The following C5orf22 variants were observed in gnomAD, a reference collection of about 807,000 sequenced individuals.
C5orf22 encodes UPF0489 protein C5orf22.
Under a neutral mutation model 48.7 loss-of-function variants are expected in C5orf22, and 36 were observed. That is an observed-to-expected ratio of 0.74 (90% confidence interval 0.57 to 0.98). The LOEUF is 0.98. Ranked by LOEUF, C5orf22 falls within the 50% of genes least tolerant of loss-of-function variation. The pLI is 0.00. For synonymous variants in C5orf22, 141 were observed against 180.8 expected (o/e 0.78, Z 1.76); for missense variants, 486 against 521.9 (o/e 0.93, Z 0.67).
intron 1 of C5orf22, among the ~76,000 whole-genome samples, chr5:31,532,823 C>T (rs1348667807): frequency 6.6e-6 from 1 of 152,064 alleles, no homozygotes; most frequent in Non-Finnish European, 1.5e-5. Flanking sequence ...CCTGGAATCG[C>T]CACCACAGCC....
rs1743507954 is a variant in C5orf22, at chr5:31,554,993, A to G, written c.*2091A>G. Reference sequence around the variant, plus strand: ...TACCAGTGAGGGGATACCGTGGTACAGTGTTTTGAATTGTGTACTAATATC... The same window carrying G: ...TACCAGTGAGGGGATACCGTGGTACGGTGTTTTGAATTGTGTACTAATATC... On this transcript the variant is annotated 3_prime_UTR_variant, in exon 9 of 9. Coordinates refer to ENST00000325366, the MANE Select transcript of C5orf22 (RefSeq NM_018356.3). The G allele has an allele frequency of 6.6e-6, 1 of 152,222 alleles. No homozygotes were observed. Among genetic ancestry groups the G allele is most frequent in the Non-Finnish European group, 1.5e-5 (1 of 68,034 alleles). 9.4% of individuals were successfully genotyped at this position (152,222 alleles called of 1,614,324 possible).
chr5:31,548,872 A>T (rs920726041), intron 7 of C5orf22, among the ~76,000 whole-genome samples: 1 of 152,238 alleles, frequency 6.6e-6, no homozygotes, highest in Non-Finnish European at 1.5e-5. Flanking sequence ...CACATCTCAC[A>T]TGGCAGCAGA....
intron 6 of C5orf22, among the ~76,000 whole-genome samples, chr5:31,541,702 G>T (rs2150075289): frequency 6.6e-6 from 1 of 152,292 alleles, no homozygotes; most frequent in Non-Finnish European, 1.5e-5. Context: ...GGGCCAAGGA[G>T]TTTGAGGCTG....
chr5:31,552,922 T>TGAAACAAACAAACAAAA lies in C5orf22; in HGVS notation c.*20_*21insGAAACAAACAAACAAAA, dbSNP rs1743376867. On this transcript the variant is annotated 3_prime_UTR_variant, in exon 9 of 9. Transcript: ENST00000325366. ...TCTTGAAACAAACAAAACATTAGGC[T>TGAAACAAACAAACAAAA]CCTGTTGTATCTTGGTTTAGTAACA... 1 of 1,610,902 alleles carries TGAAACAAACAAACAAAA rather than the reference T, an allele frequency of 6.2e-7. No homozygotes were observed. Among genetic ancestry groups the TGAAACAAACAAACAAAA allele is most frequent in the Non-Finnish European group, 8.5e-7 (1 of 1,178,222 alleles).
At chr5:31,545,765 T>TGGGTAGAA (rs998042378) in intron 7 of C5orf22, 53 bp downstream of exon 7, 24 of 1,186,294 alleles carry the variant, frequency 2.0e-5, no homozygotes, top group Non-Finnish European at 2.9e-5. Context: ...GACAATTTTC[T>TGGGTAGAA]GGGTAGAAGA....
At position 31,553,809 on chromosome 5, in the gene C5orf22, T is replaced by A. The variant is rs1358471732; in HGVS notation, c.*907T>A. 1 of 152,204 alleles carries A rather than the reference T, an allele frequency of 6.6e-6. No homozygotes were observed. The highest frequency in any genetic ancestry group is 6.5e-5 in the Admixed American group (1 of 15,282). 9.4% of individuals were successfully genotyped at this position (152,204 alleles called of 1,614,324 possible). A position where few individuals can be genotyped will look rare whatever the true frequency, so the allele number is the denominator to read the frequency against. ...ATTAACTGTTTTTTGCTTTTCTGTT[T>A]TTGTTTTGCTGATCAAAAAAGCCCT... On this transcript the variant is annotated 3_prime_UTR_variant, in exon 9 of 9. Coordinates refer to ENST00000325366, the MANE Select transcript of C5orf22 (RefSeq NM_018356.3).
chr5:31,535,360 T>C (rs1332752045), intron 2 of C5orf22, among the ~76,000 whole-genome samples: 2 of 152,236 alleles, frequency 1.3e-5, no homozygotes, highest in Non-Finnish European at 2.9e-5. Flanking sequence ...TAAAAATGTA[T>C]ACTCAGGATG....
rs574391978 is a variant in C5orf22 at position 31,554,896 on chromosome 5, T to C, written c.*1994T>C. ...TAATAGTTGAAAAGAATCAACTTAG[T>C]AAATTATGTCTTGCACATTCCAAAT... On this transcript the variant is annotated 3_prime_UTR_variant, in exon 9 of 9. Coordinates refer to ENST00000325366, the MANE Select transcript of C5orf22 (RefSeq NM_018356.3). 34 of 152,376 alleles carry C rather than the reference T, an allele frequency of 2.2e-4. No individual in the cohort carries two copies. In the South Asian group the frequency reaches 7.0e-3, roughly 32 times the overall value. 9.4% of individuals were successfully genotyped at this position (152,376 alleles called of 1,614,324 possible).
chr5:31,535,743 G>A lies in C5orf22; in HGVS notation c.228-1G>A. On this transcript the variant is annotated splice_acceptor_variant, in intron 2 of 8. Transcript: ENST00000325366. LOFTEE classifies it high-confidence loss of function. ...ATGTTGTCTCTATGTTTCTTTTCCA[G>A]AGAATTAAGTATTGAAAATTGGATT... The A allele has an allele frequency of 6.3e-7, 1 of 1,579,932 alleles. No individual in the cohort carries two copies.
At chr5:31,532,655 T>G (rs1263265470) in intron 1 of C5orf22, among the ~76,000 whole-genome samples, 182 bp downstream of exon 1, 1 of 151,936 alleles carries the variant, frequency 6.6e-6, no homozygotes, top group Non-Finnish European at 1.5e-5. Flanking sequence ...GAACTGACAT[T>G]TATGGGCGCT....
At position 31,553,156 on chromosome 5, in the gene C5orf22, T is replaced by C. The variant is rs1743393017; in HGVS notation, c.*254T>C. 7.0e-6 allele frequency: 2 copies of C among 285,758 alleles called. No individual in the cohort carries two copies. Among genetic ancestry groups the C allele is most frequent in the South Asian group, 1.2e-4 (2 of 16,352 alleles). 17.7% of individuals were successfully genotyped at this position (285,758 alleles called of 1,614,324 possible). ...CTTAAGTATTTTTTAGGGTTTTGTTTTTTTTTTTGTTTGTTTGTTTGTTTG... is the reference window on the plus strand; with the variant it reads ...CTTAAGTATTTTTTAGGGTTTTGTTCTTTTTTTTGTTTGTTTGTTTGTTTG... On this transcript the variant is annotated 3_prime_UTR_variant, in exon 9 of 9. Coordinates refer to ENST00000325366, the MANE Select transcript of C5orf22 (RefSeq NM_018356.3).
At chr5:31,551,147 C>A (rs1326959181) in intron 7 of C5orf22, 146 bp from the exon 8 acceptor site, 10 of 702,086 alleles carry the variant, frequency 1.4e-5, no homozygotes, top group Non-Finnish European at 2.3e-6. Flanking sequence ...TCTTTATATG[C>A]TATTATGAAT....
At chr5:31,551,123 T>C (rs1371875056) in intron 7 of C5orf22, among the ~76,000 whole-genome samples, 170 bp from the exon 8 acceptor site, 1 of 152,168 alleles carries the variant, frequency 6.6e-6, no homozygotes, top group African/African-American at 2.4e-5. Context: ...GATATCCCAG[T>C]TACCCTGATT....
intron 8 of C5orf22, among the ~76,000 whole-genome samples, chr5:31,551,918 C>T (rs1436019991): frequency 6.6e-6 from 1 of 152,194 alleles, no homozygotes; most frequent in African/African-American, 2.4e-5. Flanking sequence ...AACCTGGTCA[C>T]TAGAGCGTAA....
rs1410035442 is a variant in C5orf22 at position 31,552,773 on chromosome 5, G to A, written c.1200G>A (p.Arg400=). The A allele has an allele frequency of 1.2e-6, 2 of 1,612,730 alleles. No homozygotes were observed. ...TTCTTTCTCTTTCTGTTGGTTCTAG[G>A]TCAAGTCTGGATGATTACTGTCCTT... is the stretch of plus-strand genomic sequence containing the variant. ...LPNPTLVTIA[R]SSLDDYCPSD... The change falls in exon 9 of 9, where the codon AGG becomes AGA. Residue 400 remains arginine, a splice_region_variant and synonymous_variant. Transcript: ENST00000325366.
chr5:31,532,662 C>A (rs916009038), intron 1 of C5orf22, among the ~76,000 whole-genome samples, 189 bp downstream of exon 1: 43 of 152,068 alleles, frequency 2.8e-4, no homozygotes, highest in Non-Finnish European at 1.0e-4. Flanking sequence ...CATTTATGGG[C>A]GCTTCCTACG....
chr5:31,548,552 A>G (rs905156351), intron 7 of C5orf22: 2 of 450,412 alleles, frequency 4.4e-6, no homozygotes, highest in African/African-American at 2.0e-5. Context: ...TGTCCATGTC[A>G]TTATCAGCAT....
intron 7 of C5orf22, among the ~76,000 whole-genome samples, chr5:31,547,668 G>C (rs1207187287): frequency 1.3e-5 from 2 of 152,224 alleles, no homozygotes; most frequent in Admixed American, 6.5e-5. Context: ...ACCACAGCCC[G>C]AGCTCTATGT....
chr5:31,553,545 T>C lies in C5orf22; in HGVS notation c.*643T>C, dbSNP rs1743423175. 6.6e-6 allele frequency: 1 copy of C among 151,398 alleles called. No homozygotes were observed. The highest frequency in any genetic ancestry group is 6.6e-5 in the Admixed American group (1 of 15,170). 9.4% of individuals were successfully genotyped at this position (151,398 alleles called of 1,614,324 possible). On this transcript the variant is annotated 3_prime_UTR_variant, in exon 9 of 9. Coordinates refer to ENST00000325366, the MANE Select transcript of C5orf22 (RefSeq NM_018356.3). ...GTCTCAAACTCCTGGGCACAAGCAA[T>C]CCACCTGCCTTCGCCTCCCGAAGTG...
Sources: gnomAD v4.1 joint callset for allele counts (sites outside exome capture counted in the v4.1 genomes callset) on GRCh38, gnomAD v4.1.1 for gene constraint, MANE v1.5 for transcripts, NCBI Gene and HGNC (gene_info 2026-07-23, HGNC 2026-07-21) for gene names.